The following GAGE10 variants were observed in gnomAD, a reference collection of about 807,000 sequenced individuals.
The protein encoded by GAGE10 is G antigen 10.
In GAGE10, 9 loss-of-function variants were observed where a neutral mutation model predicts 11.5. The ratio of observed to expected loss-of-function variants is 0.78; its 90% CI spans 0.47 to 1.37. The LOEUF (loss-of-function observed/expected upper bound fraction) is 1.37. GAGE10 is among the 40% of genes most tolerant of loss of function. The probability of loss-of-function intolerance (pLI) is 0.00; values close to 1 mark genes in which losing one functional copy is unlikely to be tolerated. For synonymous variants in GAGE10, 23 were observed against 29.7 expected, an observed-to-expected ratio of 0.77 and a Z score of 0.73; for missense variants, 83 against 92.9, an observed-to-expected ratio of 0.89 and a Z score of 0.44.
At chrX:49,307,077 A>G (rs2066359815) in intron 3 of GAGE10, among the ~76,000 whole-genome samples, 2 of 111,931 alleles carry the variant, frequency 1.8e-5, no homozygotes, top group African/African-American at 6.5e-5. Context: ...TTTTTACTGT[A>G]TCTATTTTCA....
chrX:49,315,310 A>G (rs1337180251), intron 3 of GAGE10, among the ~76,000 whole-genome samples: 2 of 112,301 alleles, frequency 1.8e-5, no homozygotes, highest in Non-Finnish European at 3.8e-5. Flanking sequence ...GAAGAACTAG[A>G]AGAAGCATAT....
Position 49,317,180 on chromosome X carries a change from G to C in GAGE10, c.220G>C (p.Asp74His), listed in dbSNP as rs183490121. ...SAGQGPKPEA[D>H]SQEQVHPKTG... ...TTTTTAATGGCCGAAGCCTGAAGCT[G>C]ATAGCCAGGAACAGGTTCACCCAAA... Residue 74 changes from aspartate to histidine, a missense_variant, in exon 4 of 5, where the codon GAT (aspartate) becomes CAT (histidine). By Grantham distance (81) the Asp-to-His change is moderately conservative. Coordinates refer to ENST00000407599, the MANE Select transcript of GAGE10 (RefSeq NM_001098413.4). 2 of 1,205,732 alleles carry C rather than the reference G, an allele frequency of 1.7e-6. No homozygotes were observed. Among genetic ancestry groups the C allele is most frequent in the South Asian group, 1.8e-5 (1 of 56,801 alleles).
chrX:49,306,777 G>A (rs782257377), intron 3 of GAGE10, among the ~76,000 whole-genome samples: 85 of 111,515 alleles, frequency 7.6e-4, no homozygotes, highest in Non-Finnish European at 1.4e-3. Flanking sequence ...GATTGCTTGA[G>A]CCCTGGAGTT....
At position 49,317,116 on chromosome X, in the gene GAGE10, A is replaced by G. The variant is rs782584162; in HGVS notation, c.203-47A>G. The stretch of plus-strand genomic sequence containing the variant: ...GCATGAATATTATTTTCTTATTCAT[A>G]TTTCATGTTTTACTGCTTAAATTGA... On this transcript the variant is annotated intron_variant, in intron 3 of 4. Coordinates refer to ENST00000407599, the MANE Select transcript of GAGE10 (RefSeq NM_001098413.4). 5 of 1,141,559 alleles carry G rather than the reference A, an allele frequency of 4.4e-6. No homozygotes were observed. In the African/African-American group the frequency reaches 5.4e-5, roughly 12 times the overall value. 94.1% of individuals were successfully genotyped at this position (1,141,559 alleles called of 1,213,427 possible). A position where few individuals can be genotyped will look rare whatever the true frequency, so the allele number is the denominator to read the frequency against.
intron 3 of GAGE10, among the ~76,000 whole-genome samples, chrX:49,313,354 A>AT (rs782727835): frequency 8.9e-6 from 1 of 112,443 alleles, no homozygotes; most frequent in East Asian, 2.8e-4. Flanking sequence ...GGTCTTGCCC[A>AT]TGGTCCTCCT....
chrX:49,317,618 G>T (rs1299454283), intron 4 of GAGE10, among the ~76,000 whole-genome samples: 1 of 104,185 alleles, frequency 9.6e-6, no homozygotes, highest in African/African-American at 3.3e-5. Flanking sequence ...AAATTGCCAG[G>T]ATTACATGCG....
chrX:49,305,154 G>A (rs1481123007), intron 2 of GAGE10, among the ~76,000 whole-genome samples: 1 of 111,445 alleles, frequency 9.0e-6, no homozygotes, highest in African/African-American at 3.3e-5. Flanking sequence ...GGCTTTGTTT[G>A]TTAATGACAG....
intron 3 of GAGE10, among the ~76,000 whole-genome samples, chrX:49,310,990 C>CAATG (rs2066374773): frequency 9.0e-6 from 1 of 111,504 alleles, no homozygotes; most frequent in South Asian, 3.8e-4. Flanking sequence ...AAGTCTAAGG[C>CAATG]AATGGTATTG....
In GAGE10 at chrX:49,307,629, C is replaced by T. The variant is rs1348636215; in HGVS notation, c.202+2105C>T. On this transcript the variant is annotated intron_variant, in intron 3 of 4. Coordinates refer to ENST00000407599, the MANE Select transcript of GAGE10 (RefSeq NM_001098413.4). ...ATGTAGCTAGGACTACAGGGCCTGG[C>T]CACCGTGCCTGAGTAATGTTTCCTT... is the stretch of plus-strand genomic sequence containing the variant. 5.4e-5 allele frequency among the ~76,000 whole-genome samples: 6 copies of T among 111,207 alleles called. No homozygotes were observed. The Admixed American group carries it at 5.7e-4, about 11-fold the overall frequency.
rs2066391594 is a variant in GAGE10, at chrX:49,316,379, C to T, written c.203-784C>T. ...GCTTCTGTAATACGCTTCCCCTGCA[C>T]AGATCTCACCTGCCCCACGAAATGC... On this transcript the variant is annotated intron_variant, in intron 3 of 4. Transcript: ENST00000407599. Among the ~76,000 whole-genome samples, 3 of 112,098 alleles carry T rather than the reference C, an allele frequency of 2.7e-5. 1 individual carries two copies. The highest frequency in any genetic ancestry group is 9.5e-5 in the Admixed American group (1 of 10,564).
chrX:49,317,658 A>AT (rs1290265829), intron 4 of GAGE10, among the ~76,000 whole-genome samples: 42 of 111,561 alleles, frequency 3.8e-4, no homozygotes, highest in African/African-American at 1.3e-3. Flanking sequence ...AAGGCATTAT[A>AT]TTTTTAATAA....
intron 3 of GAGE10, among the ~76,000 whole-genome samples, chrX:49,306,324 T>G (rs1557124140): frequency 8.9e-6 from 1 of 112,243 alleles, no homozygotes; most frequent in Non-Finnish European, 1.9e-5. Context: ...TCCCACTCCC[T>G]TATTCTCAGT....
chrX:49,317,580 T>G (rs782566770), intron 4 of GAGE10, among the ~76,000 whole-genome samples: 2 of 111,645 alleles, frequency 1.8e-5, no homozygotes, highest in African/African-American at 6.5e-5. Flanking sequence ...ACTCCTGACC[T>G]CAGGTGATCC....
chrX:49,317,316 G>A (rs782535908), intron 4 of GAGE10, 28 bp downstream of exon 4: 1 of 1,184,842 alleles, frequency 8.4e-7, no homozygotes, highest in Non-Finnish European at 1.1e-6. Context: ...CATGCACATT[G>A]TAGGGTGTCT....
intron 3 of GAGE10, among the ~76,000 whole-genome samples, chrX:49,305,763 A>G (rs2091976): frequency 2.7e-5 from 3 of 111,750 alleles, no homozygotes; most frequent in Non-Finnish European, 3.8e-5. Context: ...ATGAATGAGA[A>G]AATGGAGGCG....
intron 3 of GAGE10, 30 bp from the exon 4 acceptor site, chrX:49,317,133 T>A: frequency 8.5e-7 from 1 of 1,181,520 alleles, no homozygotes; most frequent in Non-Finnish European, 1.1e-6. Context: ...GTTTTACTGC[T>A]TAAATTGATA....
In GAGE10 at chrX:49,317,118, TTC is replaced by T. The variant is rs782195652; in HGVS notation, c.203-44_203-43del. On this transcript the variant is annotated intron_variant, in intron 3 of 4. Coordinates refer to ENST00000407599, the MANE Select transcript of GAGE10 (RefSeq NM_001098413.4). Reference sequence around the variant, plus strand: ...ATGAATATTATTTTCTTATTCATATTTCATGTTTTACTGCTTAAATTGATATG... The same window carrying T: ...ATGAATATTATTTTCTTATTCATATTATGTTTTACTGCTTAAATTGATATG... 4 of 1,152,038 alleles carry T rather than the reference TTC, an allele frequency of 3.5e-6. No individual in the cohort carries two copies. The African/African-American group carries it at 5.4e-5, about 16-fold the overall frequency. The allele number at this position is 1,152,038 out of a possible 1,213,427, so 94.9% of individuals were successfully genotyped here. A position where few individuals can be genotyped will look rare whatever the true frequency, so the allele number is the denominator to read the frequency against.
intron 2 of GAGE10, among the ~76,000 whole-genome samples, 157 bp downstream of exon 2, chrX:49,305,097 T>G (rs1225425879): frequency 1.8e-5 from 2 of 112,722 alleles, no homozygotes; most frequent in African/African-American, 6.5e-5. Flanking sequence ...CTGGAGAATT[T>G]TTTTTCCTCT....
intron 3 of GAGE10, 132 bp from the exon 4 acceptor site, chrX:49,317,031 G>A (rs1322683781): frequency 2.4e-6 from 2 of 846,914 alleles, no homozygotes; most frequent in East Asian, 8.0e-5. Context: ...ATGTTCATGG[G>A]ATTCTTATCA....
Sources: gnomAD v4.1 joint callset for allele counts (sites outside exome capture counted in the v4.1 genomes callset) on GRCh38, gnomAD v4.1.1 for gene constraint, MANE v1.5 for transcripts, NCBI Gene and HGNC (gene_info 2026-07-23, HGNC 2026-07-21) for gene names.